The following SEMA4D variants were observed in gnomAD, a reference collection of about 807,000 sequenced individuals.
SEMA4D encodes semaphorin-4D.
In SEMA4D, 22 loss-of-function variants were observed where a neutral mutation model predicts 74.8. That is an observed-to-expected ratio of 0.29 (90% CI 0.21 to 0.42). The LOEUF is 0.42. Ranked by LOEUF, SEMA4D falls within the 10% of genes least tolerant of loss-of-function variation. The probability of loss-of-function intolerance (pLI) is 1.00; values close to 1 mark genes in which losing one functional copy is unlikely to be tolerated. For missense variants in SEMA4D, 937 were observed against 1,118.4 expected, an observed-to-expected ratio of 0.84 and a Z score of 2.31; for synonymous variants, 445 against 463.7, an observed-to-expected ratio of 0.96 and a Z score of 0.52.
At chr9:89,422,917 T>A (rs1398639125) in intron 2 of SEMA4D, among the ~76,000 whole-genome samples, 1 of 152,196 alleles carries the variant, frequency 6.6e-6, no homozygotes, top group Non-Finnish European at 1.5e-5. Context: ...CTGGGATCTT[T>A]AGTAGTCGTT....
chr9:89,485,304 G>C (rs1262751280), intron 1 of SEMA4D, among the ~76,000 whole-genome samples: 1 of 152,144 alleles, frequency 6.6e-6, no homozygotes, highest in Non-Finnish European at 1.5e-5. Context: ...AGTGACCAAT[G>C]TTACTATGGC....
Position 89,449,597 on chromosome 9 carries a change from G to A in SEMA4D, c.-244+6291C>T, listed in dbSNP as rs571209458. 150 of 940,482 alleles carry A rather than the reference G, an allele frequency of 1.6e-4. No individual in the cohort carries two copies. The African/African-American group carries it at 1.9e-3, about 12-fold the overall frequency. 58.3% of individuals were successfully genotyped at this position (940,482 alleles called of 1,614,324 possible). On this transcript the variant is annotated intron_variant, in intron 2 of 15. Transcript: ENST00000422704. The stretch of plus-strand genomic sequence containing the variant: ...CGAGCAGCAGGAGCAAACTATCGCC[G>A]AGGACCTGGTCGTGACCAACTATAA...
At chr9:89,482,876 T>C (rs148057362) in intron 1 of SEMA4D, among the ~76,000 whole-genome samples, 1 of 152,310 alleles carries the variant, frequency 6.6e-6, no homozygotes, top group East Asian at 1.9e-4. Flanking sequence ...TGCTAAGCCA[T>C]CTATCCCTTC....
chr9:89,362,440 A>G (rs376620202), intron 18 of SEMA4D: 6 of 1,613,968 alleles, frequency 3.7e-6, no homozygotes, highest in Non-Finnish European at 4.2e-6. Context: ...TGAAAGAACA[A>G]TGTGGTCTTT....
chr9:89,407,533 C>T (rs972510980), intron 2 of SEMA4D, among the ~76,000 whole-genome samples: 1 of 152,174 alleles, frequency 6.6e-6, no homozygotes, highest in African/African-American at 2.4e-5. Context: ...AATACCATTC[C>T]AAACTGACAC....
chr9:89,366,548 GT>G (rs1354082115), intron 16 of SEMA4D, among the ~76,000 whole-genome samples: 1 of 152,022 alleles, frequency 6.6e-6, no homozygotes, highest in Non-Finnish European at 1.5e-5. Flanking sequence ...TCTATAATTT[GT>G]TTTTTCCCAC....
intron 16 of SEMA4D, among the ~76,000 whole-genome samples, chr9:89,372,190 GTGGGGGGTGTGGTGTGTGTC>G (rs1222175230): frequency 3.7e-5 from 3 of 81,598 alleles, no homozygotes; most frequent in Non-Finnish European, 7.5e-5. Flanking sequence ...TGTGGTGTGT[GTGGGGGGTGTGGTGTGTGTC>G]TGGGGGGTGT....
At chr9:89,404,171 A>C (rs60618897) in intron 3 of SEMA4D, among the ~76,000 whole-genome samples, 20,013 of 152,186 alleles carry the variant, frequency 0.13, 1,867 homozygotes, top group East Asian at 0.32. Context: ...CTAAAAAAAA[A>C]CTAAACAGCA....
chr9:89,403,061 C>A, intron 3 of SEMA4D, 45 bp from the exon 4 acceptor site: 1 of 1,585,070 alleles, frequency 6.3e-7, no homozygotes, highest in South Asian at 1.1e-5. Flanking sequence ...AAGAAAAGAG[C>A]GATGGAAGCA....
rs769100856 is a variant in SEMA4D at position 89,392,384 on chromosome 9, G to A, written c.622+39C>T. On this transcript the variant is annotated intron_variant, in intron 8 of 15. Transcript: ENST00000422704. The stretch of plus-strand genomic sequence containing the variant: ...ATCAACAGGTGTGCACTCATGAGGA[G>A]ACACGCACCTCCCACTAAGGTGCAC... 5.5e-6 allele frequency: 8 copies of A among 1,442,298 alleles called. No individual in the cohort carries two copies. In the Admixed American group the frequency reaches 1.2e-4, roughly 21 times the overall value. 89.3% of individuals were successfully genotyped at this position (1,442,298 alleles called of 1,614,324 possible).
chr9:89,466,182 A>G (rs1484162937), intron 1 of SEMA4D, among the ~76,000 whole-genome samples: 3 of 152,186 alleles, frequency 2.0e-5, no homozygotes, highest in African/African-American at 7.2e-5. Context: ...CTCCTGGGGC[A>G]CACACCAAGG....
chr9:89,387,343 G>A lies in SEMA4D; in HGVS notation c.1330+43C>T, dbSNP rs549248235. ...CCCAGTTTTCCTACCAGAGGACACA[G>A]ATGTGCTGTCACTGTCAAGCCTGCC... On this transcript the variant is annotated intron_variant, in intron 12 of 15. Coordinates refer to ENST00000422704, the MANE Select transcript of SEMA4D (RefSeq NM_001371194.2). The A allele has an allele frequency of 1.3e-5, 19 of 1,500,230 alleles. No homozygotes were observed. The South Asian group carries it at 2.2e-4, about 18-fold the overall frequency. The allele number at this position is 1,500,230 out of a possible 1,614,324, so 92.9% of individuals were successfully genotyped here. A position where few individuals can be genotyped will look rare whatever the true frequency, so the allele number is the denominator to read the frequency against.
intron 2 of SEMA4D, among the ~76,000 whole-genome samples, chr9:89,422,166 A>G (rs2134251476): frequency 6.6e-6 from 1 of 152,384 alleles, no homozygotes; most frequent in South Asian, 2.1e-4. Flanking sequence ...TAACTTTACT[A>G]AGAGGAAGAT....
At chr9:89,421,308 C>T (rs890180207) in intron 2 of SEMA4D, among the ~76,000 whole-genome samples, 1 of 152,222 alleles carries the variant, frequency 6.6e-6, no homozygotes, top group Non-Finnish European at 1.5e-5. Flanking sequence ...GCACACACCT[C>T]GATGGGGTAG....
At chr9:89,479,725 G>A (rs1239360062) in intron 1 of SEMA4D, 28 of 157,988 alleles carry the variant, frequency 1.8e-4, no homozygotes, top group Non-Finnish European at 9.6e-5. Context: ...GGAGTTGTTC[G>A]TTCCTCCCGG....
At chr9:89,389,174 G>T in intron 9 of SEMA4D, 127 bp from the exon 10 acceptor site, 1 of 918,336 alleles carries the variant, frequency 1.1e-6, no homozygotes. Flanking sequence ...CAAAGCTCGG[G>T]CAACAGGAGA....
intron 2 of SEMA4D, chr9:89,449,839 G>C (rs1853918554): frequency 6.6e-7 from 1 of 1,508,268 alleles, no homozygotes; most frequent in Non-Finnish European, 9.2e-7. Flanking sequence ...CCTTTGAAGA[G>C]AGACCAGGAT....
intron 2 of SEMA4D, among the ~76,000 whole-genome samples, chr9:89,442,121 G>A (rs1462580064): frequency 7.2e-6 from 1 of 139,556 alleles, no homozygotes; most frequent in Non-Finnish European, 1.6e-5. Flanking sequence ...AGTGAGCTGG[G>A]GCTGTTTCCT....
chr9:89,363,093 AAG>A (rs1832959730), intron 18 of SEMA4D, among the ~76,000 whole-genome samples: 1 of 152,080 alleles, frequency 6.6e-6, no homozygotes, highest in Non-Finnish European at 1.5e-5. Flanking sequence ...GCCCTCCTCA[AAG>A]GAGTGGCTGG....
Sources: gnomAD v4.1 joint callset for allele counts (sites outside exome capture counted in the v4.1 genomes callset) on GRCh38, gnomAD v4.1.1 for gene constraint, MANE v1.5 for transcripts, NCBI Gene and HGNC (gene_info 2026-07-23, HGNC 2026-07-21) for gene names.